Variants in MBD5 observed in about 807,000 individuals in gnomAD.
MBD5 encodes the protein methyl-CpG-binding domain protein 5.
In MBD5, 13 loss-of-function variants were observed where a neutral mutation model predicts 117.3. That is an observed-to-expected ratio of 0.11 (90% CI 0.07 to 0.18). The LOEUF is 0.18. Among genes scored for constraint, MBD5 ranks in the 10% least tolerant of loss-of-function variants. The pLI, the probability that MBD5 is intolerant of heterozygous loss-of-function variation, is 1.00. For missense variants in MBD5, 1,879 were observed against 2,093.8 expected (o/e 0.90, Z 2.00); for synonymous variants, 727 against 766.4 (o/e 0.95, Z 0.85).
intron 3 of MBD5, among the ~76,000 whole-genome samples, chr2:148,329,135 T>A (rs958056200): frequency 3.6e-4 from 55 of 152,260 alleles, no homozygotes; most frequent in African/African-American, 1.3e-3. Flanking sequence ...ACCTAAAGGA[T>A]CCTAACCTGG....
chr2:148,285,757 C>T (rs1052102175), intron 3 of MBD5, among the ~76,000 whole-genome samples: 1 of 152,078 alleles, frequency 6.6e-6, no homozygotes, highest in African/African-American at 2.4e-5. Context: ...CAAGCTGTCA[C>T]CATGTTGCCT....
intron 3 of MBD5, among the ~76,000 whole-genome samples, chr2:148,234,831 A>G (rs1249755833): frequency 6.6e-6 from 1 of 152,132 alleles, no homozygotes; most frequent in Non-Finnish European, 1.5e-5. Flanking sequence ...TTTTCCTGGA[A>G]TTGCATTTTA....
intron 4 of MBD5, among the ~76,000 whole-genome samples, chr2:148,420,543 C>T (rs1705568359): frequency 6.6e-6 from 1 of 152,182 alleles, no homozygotes; most frequent in South Asian, 2.1e-4. Flanking sequence ...TATTATTCTT[C>T]TCTGCCTCAC....
At chr2:148,381,634 G>C (rs1704146396) in intron 4 of MBD5, among the ~76,000 whole-genome samples, 2 of 152,100 alleles carry the variant, frequency 1.3e-5, no homozygotes, top group South Asian at 4.1e-4. Context: ...CTTGAGAAGA[G>C]CAACTCCAAG....
chr2:148,500,049 A>G (rs967049681), intron 11 of MBD5, among the ~76,000 whole-genome samples: 1 of 152,146 alleles, frequency 6.6e-6, no homozygotes, highest in East Asian at 1.9e-4. Flanking sequence ...TTAATCCTTT[A>G]TAAATAATAT....
At chr2:148,318,945 G>A (rs1265246611) in intron 3 of MBD5, among the ~76,000 whole-genome samples, 3 of 152,036 alleles carry the variant, frequency 2.0e-5, no homozygotes, top group African/African-American at 7.2e-5. Flanking sequence ...GGAACTCCTG[G>A]CCTCAAGTGA....
intron 1 of MBD5, among the ~76,000 whole-genome samples, chr2:148,070,508 A>G (rs550597246): frequency 6.6e-6 from 1 of 152,294 alleles, no homozygotes; most frequent in African/African-American, 2.4e-5. Flanking sequence ...TGTTTTTATC[A>G]TGGTGGTACC....
chr2:148,220,810 A>T (rs1048355321), intron 2 of MBD5, among the ~76,000 whole-genome samples: 4 of 152,032 alleles, frequency 2.6e-5, no homozygotes, highest in Non-Finnish European at 5.9e-5. Context: ...TACTTATTTT[A>T]AATATACAAT....
intron 1 of MBD5, among the ~76,000 whole-genome samples, chr2:148,056,683 G>C (rs191944291): frequency 3.7e-4 from 56 of 152,112 alleles, no homozygotes; most frequent in Admixed American, 3.6e-3. Flanking sequence ...TTAGTTTACA[G>C]ATGTTTAGTT....
intron 3 of MBD5, among the ~76,000 whole-genome samples, chr2:148,327,308 A>T (rs935464240): frequency 6.6e-6 from 1 of 151,726 alleles, no homozygotes; most frequent in African/African-American, 2.4e-5. Context: ...TCTGACAATT[A>T]TGTGTCTTGG....
At chr2:148,355,050 G>C (rs1703342995) in intron 4 of MBD5, among the ~76,000 whole-genome samples, 1 of 151,902 alleles carries the variant, frequency 6.6e-6, no homozygotes, top group Non-Finnish European at 1.5e-5. Flanking sequence ...TCATATGTTT[G>C]TTGGCCATAT....
chr2:148,145,517 G>A (rs1213024606), intron 1 of MBD5, among the ~76,000 whole-genome samples: 1 of 152,142 alleles, frequency 6.6e-6, no homozygotes, highest in African/African-American at 2.4e-5. Context: ...GGGCATCCCT[G>A]CCTTGTGCCT....
intron 1 of MBD5, among the ~76,000 whole-genome samples, chr2:148,074,484 G>GTTTTTTTTTTTTTTTT (rs777885277): frequency 8.1e-6 from 1 of 123,154 alleles, no homozygotes; most frequent in African/African-American, 3.6e-5. Flanking sequence ...GGAATAGTTT[G>GTTTTTTTTTTTTTTTT]TTTTTTTTTT....
chr2:148,104,384 G>A (rs1696314008), intron 1 of MBD5, among the ~76,000 whole-genome samples: 2 of 152,110 alleles, frequency 1.3e-5, no homozygotes, highest in South Asian at 4.1e-4. Flanking sequence ...GTTTGCAGAG[G>A]AAAAGGCCTG....
chr2:148,142,074 G>T (rs545938614), intron 1 of MBD5, among the ~76,000 whole-genome samples: 2 of 152,084 alleles, frequency 1.3e-5, no homozygotes, highest in Non-Finnish European at 2.9e-5. Context: ...AAACCGAAGC[G>T]ATAAAAAGGC....
At chr2:148,446,921 A>G (rs1017026231) in intron 4 of MBD5, among the ~76,000 whole-genome samples, 7 of 152,026 alleles carry the variant, frequency 4.6e-5, no homozygotes, top group Non-Finnish European at 1.0e-4. Context: ...AATCTTTTTA[A>G]TCCAGAAAAA....
chr2:148,396,191 G>A (rs990492729), intron 4 of MBD5, among the ~76,000 whole-genome samples: 1 of 152,152 alleles, frequency 6.6e-6, no homozygotes, highest in African/African-American at 2.4e-5. Flanking sequence ...TCTTCCAGTT[G>A]TCATATCCAG....
At chr2:148,135,410 A>T (rs1410982599) in intron 1 of MBD5, among the ~76,000 whole-genome samples, 1 of 152,178 alleles carries the variant, frequency 6.6e-6, no homozygotes, top group Admixed American at 6.5e-5. Flanking sequence ...AAAGCCAGTT[A>T]TTGTGGGCTC....
At chr2:148,230,210 C>T (rs4972339) in intron 2 of MBD5, among the ~76,000 whole-genome samples, 144,054 of 152,198 alleles carry the variant, frequency 0.95, 68,660 homozygotes, top group East Asian at 1. Flanking sequence ...AAAAAAATCT[C>T]AGAAGTCTAC....
Sources: allele counts gnomAD v4.1 joint callset (sites outside exome capture counted in the v4.1 genomes callset), GRCh38; gene constraint gnomAD v4.1.1; transcripts MANE v1.5; gene names NCBI Gene and HGNC (gene_info 2026-07-23, HGNC 2026-07-21).